The following SEMA6A variants were observed in gnomAD, a reference collection of about 807,000 sequenced individuals.
The protein encoded by SEMA6A is semaphorin-6A.
Under a neutral mutation model 96.8 loss-of-function variants are expected in SEMA6A, and 25 were observed. The observed-to-expected ratio is 0.26, with a 90% CI of 0.19 to 0.36. SEMA6A has a LOEUF of 0.36. Among genes scored for constraint, SEMA6A ranks in the 10% least tolerant of loss-of-function variants. SEMA6A has a pLI of 1.00. For missense variants in SEMA6A, 1,363 were observed against 1,323.1 expected, an observed-to-expected ratio of 1.03 and a Z score of -0.47; for synonymous variants, 612 against 518.0, an observed-to-expected ratio of 1.18 and a Z score of -2.46.
At chr5:116,515,716 A>G (rs996389933) in intron 1 of SEMA6A, among the ~76,000 whole-genome samples, 4 of 152,286 alleles carry the variant, frequency 2.6e-5, no homozygotes, top group Admixed American at 6.5e-5. Flanking sequence ...TAGAAATACA[A>G]TCTCCCAGTC....
chr5:116,556,304 A>T (rs1760603220), intron 1 of SEMA6A, among the ~76,000 whole-genome samples: 2 of 152,248 alleles, frequency 1.3e-5, no homozygotes. Context: ...ATAAAGAGAC[A>T]GAAACTGGCA....
intron 18 of SEMA6A, among the ~76,000 whole-genome samples, chr5:116,457,839 CT>C (rs1755112339): frequency 1.3e-5 from 2 of 152,166 alleles, no homozygotes; most frequent in Admixed American, 6.6e-5. Context: ...AAGAGTTTAT[CT>C]ATTACTTGCA....
chr5:116,522,922 C>A (rs75362335), intron 1 of SEMA6A, among the ~76,000 whole-genome samples: 1 of 152,050 alleles, frequency 6.6e-6, no homozygotes, highest in East Asian at 1.9e-4. Context: ...CAGTCATCTT[C>A]GACCATCTCA....
intron 17 of SEMA6A, 55 bp from the exon 18 acceptor site, chr5:116,467,802 C>T: frequency 6.3e-7 from 1 of 1,587,702 alleles, no homozygotes; most frequent in Non-Finnish European, 8.6e-7. Context: ...CCCACATTCC[C>T]TTTGCGCAGA....
chr5:116,564,607 C>T (rs1439962051), intron 1 of SEMA6A, among the ~76,000 whole-genome samples: 1 of 152,152 alleles, frequency 6.6e-6, no homozygotes, highest in Non-Finnish European at 1.5e-5. Context: ...ATGTGTATCA[C>T]CCTCTTACAG....
At chr5:116,569,862 A>C (rs746305306) in intron 1 of SEMA6A, among the ~76,000 whole-genome samples, 3 of 152,190 alleles carry the variant, frequency 2.0e-5, no homozygotes, top group Non-Finnish European at 2.9e-5. Context: ...TTTAAACCTA[A>C]GTTTGAGATG....
intron 1 of SEMA6A, chr5:116,562,920 C>G (rs1760876781): frequency 6.8e-6 from 4 of 591,030 alleles, no homozygotes; most frequent in South Asian, 6.2e-5. Context: ...CCCTTGCCCC[C>G]TCGGGTATGA....
chr5:116,512,180 G>T (rs1049734433), intron 1 of SEMA6A, among the ~76,000 whole-genome samples: 5 of 152,208 alleles, frequency 3.3e-5, no homozygotes, highest in African/African-American at 1.2e-4. Context: ...CTGGGTCAAA[G>T]AACACATCCC....
chr5:116,469,489 A>T (rs542686355), intron 17 of SEMA6A: 1 of 152,208 alleles, frequency 6.6e-6, no homozygotes, highest in Non-Finnish European at 1.5e-5. Flanking sequence ...TTAATAAAAT[A>T]TATGGTCAGC....
At chr5:116,486,705 G>A in intron 10 of SEMA6A, 44 bp downstream of exon 10, 2 of 1,505,718 alleles carry the variant, frequency 1.3e-6, no homozygotes, top group South Asian at 2.3e-5. Context: ...GGAGAAGGAA[G>A]CCAGGAAGAA....
intron 1 of SEMA6A, among the ~76,000 whole-genome samples, chr5:116,524,865 A>G (rs1045944804): frequency 4.0e-5 from 6 of 148,728 alleles, no homozygotes; most frequent in South Asian, 2.1e-4. Flanking sequence ...TGTTATAGCT[A>G]TTGGGTCAAT....
At chr5:116,524,597 A>G (rs2112824057) in intron 1 of SEMA6A, among the ~76,000 whole-genome samples, 1 of 151,558 alleles carries the variant, frequency 6.6e-6, no homozygotes, top group African/African-American at 2.4e-5. Context: ...GGCAGCTGTC[A>G]GACCTTTAAA....
At chr5:116,462,449 AT>A (rs1755470351) in intron 18 of SEMA6A, among the ~76,000 whole-genome samples, 1 of 152,242 alleles carries the variant, frequency 6.6e-6, no homozygotes, top group African/African-American at 2.4e-5. Context: ...AATTTGAGTA[AT>A]AACTAGCGGC....
At chr5:116,540,629 T>C (rs1194510397) in intron 1 of SEMA6A, among the ~76,000 whole-genome samples, 2 of 152,328 alleles carry the variant, frequency 1.3e-5, no homozygotes, top group African/African-American at 4.8e-5. Flanking sequence ...TGGCCCCACA[T>C]GTCCCTGTTT....
At chr5:116,511,720 G>A (rs887168309) in intron 1 of SEMA6A, among the ~76,000 whole-genome samples, 2 of 152,186 alleles carry the variant, frequency 1.3e-5, no homozygotes, top group African/African-American at 4.8e-5. Flanking sequence ...GCAGCCTTAA[G>A]GTGATAGAAA....
At chr5:116,478,929 A>AGAGT (rs1252808674) in intron 12 of SEMA6A, among the ~76,000 whole-genome samples, 19 of 149,358 alleles carry the variant, frequency 1.3e-4, no homozygotes, top group African/African-American at 4.2e-4. Flanking sequence ...GGTGTGAGAG[A>AGAGT]GTGTGTGTGT....
At chr5:116,514,262 G>A (rs372288269) in intron 1 of SEMA6A, among the ~76,000 whole-genome samples, 52 of 152,254 alleles carry the variant, frequency 3.4e-4, no homozygotes, top group East Asian at 1.2e-3. Context: ...GTGTAAAAGC[G>A]TTCCTTTTGC....
At chr5:116,508,790 T>G (rs1291770553) in intron 1 of SEMA6A, among the ~76,000 whole-genome samples, 1 of 152,038 alleles carries the variant, frequency 6.6e-6, no homozygotes, top group Non-Finnish European at 1.5e-5. Context: ...ACGGAAACAT[T>G]CCCACTCCTT....
chr5:116,543,050 T>C (rs2112867235), intron 1 of SEMA6A, among the ~76,000 whole-genome samples: 1 of 152,326 alleles, frequency 6.6e-6, no homozygotes, highest in Admixed American at 6.5e-5. Context: ...AGAATTTTTT[T>C]TCTTCTAAGC....
Sources: gnomAD v4.1 joint callset for allele counts (sites outside exome capture counted in the v4.1 genomes callset) on GRCh38, gnomAD v4.1.1 for gene constraint, MANE v1.5 for transcripts, NCBI Gene and HGNC (gene_info 2026-07-23, HGNC 2026-07-21) for gene names.